KANSL1: variants seen among roughly 807,000 people sequenced by gnomAD.
KANSL1 encodes the protein KAT8 regulatory NSL complex subunit 1, also known as MLL1/MLL complex subunit KANSL1.
A neutral mutation model predicts 103.6 loss-of-function variants in KANSL1; 22 were observed. The ratio of observed to expected loss-of-function variants is 0.21; its 90% CI spans 0.15 to 0.30. The LOEUF (loss-of-function observed/expected upper bound fraction) is 0.30, where lower values mean the gene tolerates loss of function less well. Among genes scored for constraint, KANSL1 ranks in the 10% least tolerant of loss-of-function variants. The probability of loss-of-function intolerance (pLI) is 1.00; values close to 1 mark genes in which losing one functional copy is unlikely to be tolerated. For missense variants in KANSL1, 1,337 were observed against 1,399.8 expected (o/e 0.96, Z 0.72); for synonymous variants, 600 against 527.6 (o/e 1.14, Z -1.88).
At chr17:46,115,718 T>C (rs1178814294) in intron 2 of KANSL1, among the ~76,000 whole-genome samples, 2 of 152,224 alleles carry the variant, frequency 1.3e-5, no homozygotes, top group Non-Finnish European at 2.9e-5. Flanking sequence ...CCAACAACTT[T>C]AGGAAAGCCA....
chr17:46,064,070 A>C (rs1036408476), intron 6 of KANSL1, among the ~76,000 whole-genome samples: 2 of 104,522 alleles, frequency 1.9e-5, no homozygotes, highest in Admixed American at 1.1e-4. Flanking sequence ...AAAAAAAAAA[A>C]ACAAAAAAAA....
At chr17:46,216,642 GT>G in intron 1 of KANSL1, among the ~76,000 whole-genome samples, 1 of 150,754 alleles carries the variant, frequency 6.6e-6, no homozygotes, top group East Asian at 2.0e-4. Context: ...CAAAAATCTT[GT>G]TAAAGATAAA....
At chr17:46,149,193 G>A (rs1010269820) in intron 2 of KANSL1, among the ~76,000 whole-genome samples, 5 of 151,672 alleles carry the variant, frequency 3.3e-5, no homozygotes, top group African/African-American at 9.7e-5. Context: ...TAGTAGAGAC[G>A]GTGTTTCACG....
At chr17:46,125,685 A>C (rs1246621602) in intron 2 of KANSL1, among the ~76,000 whole-genome samples, 4 of 152,248 alleles carry the variant, frequency 2.6e-5, no homozygotes, top group Non-Finnish European at 5.9e-5. Flanking sequence ...GGGCAGAATA[A>C]GGACTCCTTG....
chr17:46,171,726 T>A lies in KANSL1; in HGVS notation c.418A>T (p.Thr140Ser). 6.3e-7 allele frequency: 1 copy of A among 1,574,976 alleles called. No individual in the cohort carries two copies. Among genetic ancestry groups the A allele is most frequent in the South Asian group, 1.2e-5 (1 of 84,994 alleles). Residue 140 changes from threonine to serine, a missense_variant, in exon 2 of 15, where the codon ACC becomes TCC. Coordinates refer to ENST00000432791, the MANE Select transcript of KANSL1 (RefSeq NM_015443.4). Reference sequence around the variant, plus strand: ...GCTGTCTGACCACTCGTATTCATGGTTCTAAGATTTTCTAAGGAAAACTCC... The same window carrying A: ...GCTGTCTGACCACTCGTATTCATGGATCTAAGATTTTCTAAGGAAAACTCC... ...VLEFSLENLR[T>S]MNTSGQTALP... is the part of the protein sequence containing the mutation.
intron 9 of KANSL1, 85 bp downstream of exon 9, chr17:46,038,942 G>T (rs954337951): frequency 2.7e-6 from 4 of 1,487,472 alleles, no homozygotes; most frequent in African/African-American, 1.4e-5. Context: ...GACAAAGCTG[G>T]GGGTAATTAA....
chr17:46,049,211 C>CT (rs1453757867), intron 7 of KANSL1, among the ~76,000 whole-genome samples: 1 of 110,036 alleles, frequency 9.1e-6, no homozygotes, highest in Non-Finnish European at 2.0e-5. Flanking sequence ...GAAATGATCT[C>CT]TTTATTTGTT....
intron 3 of KANSL1, 58 bp downstream of exon 3, chr17:46,094,502 A>G (rs1451571891): frequency 1.3e-6 from 2 of 1,574,878 alleles, no homozygotes; most frequent in Middle Eastern, 2.3e-4. Context: ...GGGATGTGAG[A>G]AAAGCGATAT....
At chr17:46,221,819 TTTAC>T (rs1192922442) in intron 1 of KANSL1, 3 of 151,824 alleles carry the variant, frequency 2.0e-5, no homozygotes, top group African/African-American at 7.3e-5. Flanking sequence ...ATCATTTCTT[TTTAC>T]TTAAATTAAG....
chr17:46,032,412 A>C lies in KANSL1; in HGVS notation c.2838-113T>G. On this transcript the variant is annotated intron_variant, in intron 13 of 14. Transcript: ENST00000432791. ...AGTTGAGGCAAACAAACACCAACAG[A>C]TTTTCCTTAGGATCCAGCAACTCCC... 3 of 883,680 alleles carry C rather than the reference A, an allele frequency of 3.4e-6. No homozygotes were observed. In the South Asian group the frequency reaches 5.9e-5, roughly 17 times the overall value. 54.7% of individuals were successfully genotyped at this position (883,680 alleles called of 1,614,324 possible). A position where few individuals can be genotyped will look rare whatever the true frequency, so the allele number is the denominator to read the frequency against.
chr17:46,210,370 G>A (rs2148018245), intron 1 of KANSL1, among the ~76,000 whole-genome samples: 1 of 152,060 alleles, frequency 6.6e-6, no homozygotes, highest in Non-Finnish European at 1.5e-5. Context: ...CTACTCGGGA[G>A]GCTGAGGCAG....
chr17:46,078,418 G>T (rs2146782830), intron 4 of KANSL1, among the ~76,000 whole-genome samples: 1 of 152,312 alleles, frequency 6.6e-6, no homozygotes. Flanking sequence ...CAGGTCAGGG[G>T]TGAGCACAAA....
intron 4 of KANSL1, among the ~76,000 whole-genome samples, chr17:46,081,544 T>C (rs2078989178): frequency 6.6e-6 from 1 of 152,240 alleles, no homozygotes; most frequent in Non-Finnish European, 1.5e-5. Context: ...AGTGGCTGGC[T>C]TTCAAAATTA....
intron 2 of KANSL1, among the ~76,000 whole-genome samples, chr17:46,159,029 C>T (rs547629640): frequency 1.3e-5 from 2 of 152,234 alleles, no homozygotes; most frequent in South Asian, 4.1e-4. Flanking sequence ...ATTACAGTTA[C>T]TACAGGGACA....
chr17:46,123,235 G>T (rs1479322331), intron 2 of KANSL1, among the ~76,000 whole-genome samples: 1 of 152,082 alleles, frequency 6.6e-6, no homozygotes, highest in Non-Finnish European at 1.5e-5. Flanking sequence ...AAATTATGTG[G>T]GTGTGGCATT....
At chr17:46,178,172 T>C (rs1015659110) in intron 1 of KANSL1, among the ~76,000 whole-genome samples, 1 of 151,782 alleles carries the variant, frequency 6.6e-6, no homozygotes, top group Non-Finnish European at 1.5e-5. Context: ...TCTTTGACAA[T>C]GTAAAGCAGG....
chr17:46,171,772 C>G lies in KANSL1; in HGVS notation c.372G>C (p.Leu124=). 6.2e-7 allele frequency: 1 copy of G among 1,605,916 alleles called. No individual in the cohort carries two copies. The highest frequency in any genetic ancestry group is 8.5e-7 in the Non-Finnish European group (1 of 1,176,410). The change falls in exon 2 of 15, where the codon CTG becomes CTC. Residue 124 remains leucine, a synonymous_variant. Transcript: ENST00000432791. The part of the protein sequence containing the change: ...LSQSYELRAE[L]LGRQPVLEFS... ...ACTCCAAAACTGGCTGTCTCCCCAA[C>G]AGCTCAGCTCGGAGTTCATAGGACT...
intron 1 of KANSL1, among the ~76,000 whole-genome samples, chr17:46,207,145 C>A (rs2047996248): frequency 6.6e-6 from 1 of 152,104 alleles, no homozygotes; most frequent in Non-Finnish European, 1.5e-5. Context: ...CATGGTGGCA[C>A]ACACCTGTAG....
intron 4 of KANSL1, among the ~76,000 whole-genome samples, chr17:46,077,958 T>C (rs1598560432): frequency 6.6e-6 from 1 of 152,172 alleles, no homozygotes; most frequent in East Asian, 1.9e-4. Flanking sequence ...TCCTCATGAC[T>C]AAGAATCATA....
Sources: gnomAD v4.1 joint callset for allele counts (sites outside exome capture counted in the v4.1 genomes callset) on GRCh38, gnomAD v4.1.1 for gene constraint, MANE v1.5 for transcripts, NCBI Gene and HGNC (gene_info 2026-07-23, HGNC 2026-07-21) for gene names.